The following PRR20G variants were observed in gnomAD, a reference collection of about 807,000 sequenced individuals.
The protein encoded by PRR20G is proline rich 20G.
rs576735012 is a variant in PRR20G, at chr3:127,287,568, G to T, written c.-7-196C>A. On this transcript the variant is annotated intron_variant, in intron 1 of 2. Transcript: ENST00000465482. The stretch of plus-strand genomic sequence containing the variant: ...ATCCTGTGAAGGTGGGAGTTGGGGT[G>T]GGGGGAGACTTCCGCATTTTAAAGG... 7.9e-5 allele frequency among the ~76,000 whole-genome samples: 12 copies of T among 152,274 alleles called. No individual in the cohort carries two copies. The South Asian group carries it at 1.7e-3, about 21-fold the overall frequency.
chr3:127,286,840 T>C (rs1040012236), intron 2 of PRR20G, among the ~76,000 whole-genome samples: 1 of 152,118 alleles, frequency 6.6e-6, no homozygotes, highest in African/African-American at 2.4e-5. Context: ...AGGGATAGAC[T>C]CGTGATAAGT....
At chr3:127,286,982 G>A (rs1017260637) in intron 2 of PRR20G, among the ~76,000 whole-genome samples, 2 of 152,128 alleles carry the variant, frequency 1.3e-5, no homozygotes, top group East Asian at 3.9e-4. Flanking sequence ...CCCTGGGATG[G>A]GTGTGGCTGG....
Position 127,284,125 on chromosome 3 carries a change from CG to C in PRR20G, c.567del (p.Ile189MetfsTer115), listed in dbSNP as rs1198399863. The C allele has an allele frequency of 1.3e-5, 2 of 152,344 alleles. No individual in the cohort carries two copies. The highest frequency in any genetic ancestry group is 2.9e-5 in the Non-Finnish European group (2 of 68,224). The allele number at this position is 152,344 out of a possible 1,614,324, so 9.4% of individuals were successfully genotyped here. A position where few individuals can be genotyped will look rare whatever the true frequency, so the allele number is the denominator to read the frequency against. ...ACGATGGTGCTATTAGAGGTCTGCA[CG>C]ATGCACAAAGTAGATGAGCCACCCG... is the stretch of plus-strand genomic sequence containing the variant. Reference protein sequence around the residue: ...RPPGGSSTLCIVQTSNSTIVQ... With the variant: ...RPPGGSSTLCXVQTSNSTIVQ... On this transcript the variant is annotated frameshift_variant, in exon 3 of 3. Coordinates refer to ENST00000465482, the MANE Select transcript of PRR20G (RefSeq NM_001362810.2). LOFTEE classifies it low-confidence loss of function (END_TRUNC).
At chr3:127,287,710 A>G (rs2080394172) in intron 1 of PRR20G, among the ~76,000 whole-genome samples, 169 bp downstream of exon 1, 4 of 152,170 alleles carry the variant, frequency 2.6e-5, no homozygotes, top group Admixed American at 2.6e-4. Flanking sequence ...TGGAGGAATG[A>G]TCCCTCCTTA....
At chr3:127,285,446 T>C (rs1236844424) in intron 2 of PRR20G, among the ~76,000 whole-genome samples, 1 of 151,972 alleles carries the variant, frequency 6.6e-6, no homozygotes, top group East Asian at 1.9e-4. Context: ...ATAAGCTAGT[T>C]TGGCAGGGAG....
intron 2 of PRR20G, among the ~76,000 whole-genome samples, chr3:127,285,231 A>T (rs1010639928): frequency 2.0e-5 from 3 of 152,234 alleles, no homozygotes; most frequent in African/African-American, 7.2e-5. Flanking sequence ...GCAAGTAAGC[A>T]TCTTAACATG....
intron 2 of PRR20G, 100 bp from the exon 3 acceptor site, chr3:127,284,740 C>G (rs1263050902): frequency 6.5e-6 from 1 of 152,772 alleles, no homozygotes; most frequent in East Asian, 1.9e-4. Flanking sequence ...CCCAGGGGAA[C>G]CCGGGCAAAC....
chr3:127,284,965 C>T (rs181388867), intron 2 of PRR20G, among the ~76,000 whole-genome samples: 64 of 152,312 alleles, frequency 4.2e-4, no homozygotes, highest in African/African-American at 1.4e-3. Flanking sequence ...CCTGCCTTCA[C>T]TGTGTTTAAA....
chr3:127,287,949 G>C lies in PRR20G; in HGVS notation c.-78C>G, dbSNP rs372367819. 2.0e-5 allele frequency among the ~76,000 whole-genome samples: 3 copies of C among 150,912 alleles called. No individual in the cohort carries two copies. Among genetic ancestry groups the C allele is most frequent in the Non-Finnish European group, 4.4e-5 (3 of 67,648 alleles). ...GAGCTGGAGGTGTCCACGGGATCAC[G>C]GCTATGGCTCCGACGTCGCCCTCAA... On this transcript the variant is annotated 5_prime_UTR_variant, in exon 1 of 3. Coordinates refer to ENST00000465482, the MANE Select transcript of PRR20G (RefSeq NM_001362810.2).
intron 2 of PRR20G, among the ~76,000 whole-genome samples, chr3:127,286,181 A>G (rs1041703596): frequency 6.6e-6 from 1 of 152,194 alleles, no homozygotes; most frequent in Non-Finnish European, 1.5e-5. Context: ...AATCTTCCAG[A>G]GAGGGAGAAA....
Position 127,284,142 on chromosome 3 carries a change from G to A in PRR20G, c.551C>T (p.Ser184Leu), listed in dbSNP as rs2080375144. The A allele has an allele frequency of 2.0e-5, 3 of 152,476 alleles. No homozygotes were observed. The South Asian group carries it at 6.2e-4, about 32-fold the overall frequency. 9.4% of individuals were successfully genotyped at this position (152,476 alleles called of 1,614,324 possible). Residue 184 changes from serine (S) to leucine (L), a missense_variant, in exon 3 of 3, where the codon TCA (serine) becomes TTA (leucine). By Grantham distance (145) the Ser-to-Leu change is moderately radical. Coordinates refer to ENST00000465482, the MANE Select transcript of PRR20G (RefSeq NM_001362810.2). The stretch of plus-strand genomic sequence containing the variant: ...GGTCTGCACGATGCACAAAGTAGAT[G>A]AGCCACCCGGAGGCCTGAAACTGAG... ...PSLSFRPPGG[S>L]STLCIVQTSN...
chr3:127,285,005 A>G (rs911066452), intron 2 of PRR20G, among the ~76,000 whole-genome samples: 10 of 152,182 alleles, frequency 6.6e-5, no homozygotes, highest in African/African-American at 1.2e-4. Flanking sequence ...CAGAACACCT[A>G]AAAATGAATG....
chr3:127,283,922 G>A lies in PRR20G; in HGVS notation c.*138C>T, dbSNP rs1216366934. Among the ~76,000 whole-genome samples the A allele has an allele frequency of 2.6e-5, 4 of 152,184 alleles. No individual in the cohort carries two copies. Among genetic ancestry groups the A allele is most frequent in the Non-Finnish European group, 5.9e-5 (4 of 68,028 alleles). The stretch of plus-strand genomic sequence containing the variant: ...CAGGATCCTGGGAGGAGGACTTGGA[G>A]GCTCATGACAACACAAAGTAAGGGC... On this transcript the variant is annotated 3_prime_UTR_variant, in exon 3 of 3. Transcript: ENST00000465482.
intron 2 of PRR20G, among the ~76,000 whole-genome samples, chr3:127,285,655 A>G (rs764379848): frequency 6.6e-6 from 1 of 152,178 alleles, no homozygotes; most frequent in Non-Finnish European, 1.5e-5. Flanking sequence ...TCATAGCCCA[A>G]CCATATCTAT....
At position 127,284,050 on chromosome 3, in the gene PRR20G, A is replaced by G. The variant is rs9858669; in HGVS notation, c.*10T>C. 0.84 allele frequency: 128,416 copies of G among 152,528 alleles called. 54,422 individuals carry two copies. The highest frequency in any genetic ancestry group is 0.94 in the African/African-American group (39,084 of 41,488). 9.4% of individuals were successfully genotyped at this position (152,528 alleles called of 1,614,324 possible). A position where few individuals can be genotyped will look rare whatever the true frequency, so the allele number is the denominator to read the frequency against. The stretch of plus-strand genomic sequence containing the variant: ...GAAAAGAAGGCTGGCAGCAATACGG[A>G]TGACAGAGGTTAGTGTGCAGAGTGG... On this transcript the variant is annotated 3_prime_UTR_variant, in exon 3 of 3. Coordinates refer to ENST00000465482, the MANE Select transcript of PRR20G (RefSeq NM_001362810.2).
Position 127,287,419 on chromosome 3 carries a change from C to A in PRR20G, c.-7-47G>T, listed in dbSNP as rs184843820. 1.1e-4 allele frequency among the ~76,000 whole-genome samples: 17 copies of A among 152,256 alleles called. No homozygotes were observed. In the East Asian group the frequency reaches 1.7e-3, roughly 16 times the overall value. ...AAAACGCGTCTGTCAGGGTATTAAA[C>A]CACAGCCTAATTTCCCAAGCGTCAC... On this transcript the variant is annotated intron_variant, in intron 1 of 2. Transcript: ENST00000465482.
At chr3:127,286,750 C>T (rs754602999) in intron 2 of PRR20G, among the ~76,000 whole-genome samples, 1 of 152,070 alleles carries the variant, frequency 6.6e-6, no homozygotes, top group Non-Finnish European at 1.5e-5. Context: ...GCAGCCAGTC[C>T]CGGTTGGAGC....
chr3:127,287,800 T>C (rs992946400), intron 1 of PRR20G, among the ~76,000 whole-genome samples, 79 bp downstream of exon 1: 1 of 152,056 alleles, frequency 6.6e-6, no homozygotes, highest in African/African-American at 2.4e-5. Flanking sequence ...GGCCTCGGCC[T>C]TCTAGAGCAC....
chr3:127,286,297 T>A (rs971051162), intron 2 of PRR20G, among the ~76,000 whole-genome samples: 2 of 152,204 alleles, frequency 1.3e-5, no homozygotes, highest in Admixed American at 6.5e-5. Context: ...AGAAAATGCC[T>A]TCAAAATTTC....
Sources: gnomAD v4.1 joint callset for allele counts (sites outside exome capture counted in the v4.1 genomes callset) on GRCh38, gnomAD v4.1.1 for gene constraint, MANE v1.5 for transcripts, NCBI Gene and HGNC (gene_info 2026-07-23, HGNC 2026-07-21) for gene names.